AGPAT4: variants seen among roughly 807,000 people sequenced by gnomAD.
The protein encoded by AGPAT4 is 1-acyl-sn-glycerol-3-phosphate acyltransferase delta.
In AGPAT4, 15 loss-of-function variants were observed where a neutral mutation model predicts 48.0. That is an observed-to-expected ratio of 0.31 (90% CI 0.21 to 0.48). The LOEUF is 0.48. Among genes scored for constraint, AGPAT4 ranks in the 20% least tolerant of loss-of-function variants. The pLI, the probability that AGPAT4 is intolerant of heterozygous loss-of-function variation, is 0.99. For missense variants in AGPAT4, 314 were observed against 482.5 expected (o/e 0.65, Z 3.27); for synonymous variants, 178 against 198.7 (o/e 0.90, Z 0.88).
Position 161,262,003 on chromosome 6 carries a change from C to T in AGPAT4, c.-90+11935G>A, listed in dbSNP as rs988340272. ...GATAAGAAGAGTTCCTAGTCGAGGG[C>T]TGGTGGTGAGGATTATCCGTAGACC... On this transcript the variant is annotated intron_variant, in intron 1 of 8. Coordinates refer to ENST00000320285, the MANE Select transcript of AGPAT4 (RefSeq NM_020133.3). This position sits in a 1 kb window ranked among gnomAD's most constrained non-coding sequence, Gnocchi z 4.9. Among the ~76,000 whole-genome samples the T allele has an allele frequency of 6.6e-6, 1 of 152,174 alleles. No homozygotes were observed. The highest frequency in any genetic ancestry group is 1.5e-5 in the Non-Finnish European group (1 of 68,026).
At chr6:161,211,405 G>A (rs944945696) in intron 2 of AGPAT4, among the ~76,000 whole-genome samples, 2 of 151,988 alleles carry the variant, frequency 1.3e-5, no homozygotes, top group Admixed American at 6.6e-5. Context: ...CAAGGTAAAA[G>A]GAATGAGGAA....
Position 161,211,624 on chromosome 6 carries a change from A to AT in AGPAT4, c.178+20411dup, listed in dbSNP as rs1276636692. On this transcript the variant is annotated intron_variant, in intron 2 of 8. Transcript: ENST00000320285. ...CAGTCTGTGTAAGTCATAAAAAGAG[A>AT]TTTTTAAAAAAAACGTTTATATGAT... 4.6e-5 allele frequency among the ~76,000 whole-genome samples: 7 copies of AT among 152,288 alleles called. No individual in the cohort carries two copies. In the South Asian group the frequency reaches 6.2e-4, roughly 14 times the overall value.
At chr6:161,253,734 A>G (rs1488771460) in intron 1 of AGPAT4, among the ~76,000 whole-genome samples, 1 of 152,158 alleles carries the variant, frequency 6.6e-6, no homozygotes, top group Non-Finnish European at 1.5e-5. Flanking sequence ...TTCACAAACA[A>G]TGTGCAATTT....
Position 161,197,963 on chromosome 6 carries a change from T to C in AGPAT4, c.179-31546A>G, listed in dbSNP as rs1326332365. ...TCGGGCTGGCAACTTGTTGGTTCTATTTTAATAAGTTCCCTTTTTGATACG... is the reference window on the plus strand; with the variant it reads ...TCGGGCTGGCAACTTGTTGGTTCTACTTTAATAAGTTCCCTTTTTGATACG... On this transcript the variant is annotated intron_variant, in intron 2 of 8. Transcript: ENST00000320285. The surrounding 1 kb of genome is among the most constrained non-coding windows in gnomAD (Gnocchi z 5.7). Among the ~76,000 whole-genome samples the C allele has an allele frequency of 6.6e-6, 1 of 152,222 alleles. No homozygotes were observed. Among genetic ancestry groups the C allele is most frequent in the Non-Finnish European group, 1.5e-5 (1 of 68,038 alleles).
rs532380360 is a variant in AGPAT4, at chr6:161,264,394, C to A, written c.-90+9544G>T. ...CAGCCTCCTGCCCTGTCCCACCTCA[C>A]CCACTGGCCCACTCCTCTGGTCTCT... On this transcript the variant is annotated intron_variant, in intron 1 of 8. Transcript: ENST00000320285. The surrounding 1 kb of genome is among the most constrained non-coding windows in gnomAD (Gnocchi z 6.8). 1.3e-5 allele frequency among the ~76,000 whole-genome samples: 2 copies of A among 152,158 alleles called. No homozygotes were observed. The highest frequency in any genetic ancestry group is 4.8e-5 in the African/African-American group (2 of 41,434).
At chr6:161,157,249 G>A (rs1287044173) in intron 3 of AGPAT4, among the ~76,000 whole-genome samples, 1 of 152,178 alleles carries the variant, frequency 6.6e-6, no homozygotes, top group Non-Finnish European at 1.5e-5. Flanking sequence ...TTTTAAGAAG[G>A]GGCTGACATC....
In AGPAT4 at chr6:161,254,593, A is replaced by G. The variant is rs1192079242; in HGVS notation, c.-90+19345T>C. ...CCTCTGCTTACAGTAAGAAATAACTAAGTATTGGGAAATCGAGGAGAAAAT... is the reference window on the plus strand; with the variant it reads ...CCTCTGCTTACAGTAAGAAATAACTGAGTATTGGGAAATCGAGGAGAAAAT... On this transcript the variant is annotated intron_variant, in intron 1 of 8. Transcript: ENST00000320285. The surrounding 1 kb of genome is among the most constrained non-coding windows in gnomAD (Gnocchi z 5.9). Among the ~76,000 whole-genome samples, 3 of 152,144 alleles carry G rather than the reference A, an allele frequency of 2.0e-5. No homozygotes were observed. The highest frequency in any genetic ancestry group is 4.4e-5 in the Non-Finnish European group (3 of 68,026).
chr6:161,183,698 GGAGGA>G lies in AGPAT4; in HGVS notation c.179-17286_179-17282del, dbSNP rs1263700566. Reference sequence around the variant, plus strand: ...GGAGGAGAGGGGAGGAGAGGAGAGGGGAGGAGAGGAGAGGAGAGGAGATGGGAGAA... The same window carrying G: ...GGAGGAGAGGGGAGGAGAGGAGAGGGGAGGAGAGGAGAGGAGATGGGAGAA... On this transcript the variant is annotated intron_variant, in intron 2 of 8. Transcript: ENST00000320285. Among the ~76,000 whole-genome samples, 409 of 88,904 alleles carry G rather than the reference GGAGGA, an allele frequency of 4.6e-3. 4 individuals are homozygous for G. Among genetic ancestry groups the G allele is most frequent in the South Asian group, 0.011 (20 of 1,776 alleles). 58.3% of individuals were successfully genotyped at this position (88,904 alleles called of 152,430 possible). A position where few individuals can be genotyped will look rare whatever the true frequency, so the allele number is the denominator to read the frequency against.
At position 161,189,646 on chromosome 6, in the gene AGPAT4, G is replaced by T. The variant is rs192170287; in HGVS notation, c.179-23229C>A. ...TGTACACTTGCACACGGCAGATCCA[G>T]GCCAGCTGCACATCCGTGGGCTCCT... On this transcript the variant is annotated intron_variant, in intron 2 of 8. Transcript: ENST00000320285. This position sits in a 1 kb window ranked among gnomAD's most constrained non-coding sequence, Gnocchi z 5.3. Among the ~76,000 whole-genome samples the T allele has an allele frequency of 2.0e-4, 30 of 152,158 alleles. No individual in the cohort carries two copies. Among genetic ancestry groups the T allele is most frequent in the African/African-American group, 6.7e-4 (28 of 41,514 alleles).
Position 161,142,170 on chromosome 6 carries a change from T to C in AGPAT4, c.844-2550A>G, listed in dbSNP as rs1779274697. Among the ~76,000 whole-genome samples the C allele has an allele frequency of 6.6e-6, 1 of 152,174 alleles. No individual in the cohort carries two copies. Among genetic ancestry groups the C allele is most frequent in the South Asian group, 2.1e-4 (1 of 4,832 alleles). ...CGCCCAGCCCCATTCACTTTAAAGT[T>C]TTCTTTGTCTGTGGTTTAAAACACT... On this transcript the variant is annotated intron_variant, in intron 7 of 8. Transcript: ENST00000320285. This position sits in a 1 kb window ranked among gnomAD's most constrained non-coding sequence, Gnocchi z 6.4.
At position 161,138,710 on chromosome 6, in the gene AGPAT4, C is replaced by T. The variant is rs28389795; in HGVS notation, c.1042+712G>A. On this transcript the variant is annotated intron_variant, in intron 8 of 8. Transcript: ENST00000320285. This position sits in a 1 kb window ranked among gnomAD's most constrained non-coding sequence, Gnocchi z 4.8. ...TGCTTGGACAATGTGCCGTCTCTCC[C>T]GGGCTCTCCAAAGCCTCAGAGGACG... is the stretch of plus-strand genomic sequence containing the variant. Among the ~76,000 whole-genome samples the T allele has an allele frequency of 7.2e-5, 11 of 152,246 alleles. No homozygotes were observed. Among genetic ancestry groups the T allele is most frequent in the South Asian group, 2.1e-4 (1 of 4,812 alleles).
intron 7 of AGPAT4, among the ~76,000 whole-genome samples, chr6:161,145,914 G>A (rs1409536456): frequency 6.6e-6 from 1 of 151,688 alleles, no homozygotes; most frequent in African/African-American, 2.4e-5. Context: ...GCTAAGCTTC[G>A]CTCCTTCATA....
intron 2 of AGPAT4, among the ~76,000 whole-genome samples, chr6:161,194,621 T>C (rs1281122433): frequency 6.9e-6 from 1 of 144,512 alleles, no homozygotes; most frequent in Admixed American, 6.7e-5. Flanking sequence ...TATGTGTACA[T>C]GTGTGTATGT....
rs113110074 is a variant in AGPAT4 at position 161,159,610 on chromosome 6, C to T, written c.349-5300G>A. ...ATGAATCAGTTTGTGTGCACGCGTG[C>T]GTGTGTGTGTGTGTTCATCAAAAGG... On this transcript the variant is annotated intron_variant, in intron 3 of 8. Transcript: ENST00000320285. The surrounding 1 kb of genome is among the most constrained non-coding windows in gnomAD (Gnocchi z 4.1). Among the ~76,000 whole-genome samples the T allele has an allele frequency of 9.2e-4, 140 of 151,842 alleles. No homozygotes were observed. Among genetic ancestry groups the T allele is most frequent in the African/African-American group, 3.2e-3 (132 of 41,474 alleles).
intron 2 of AGPAT4, among the ~76,000 whole-genome samples, chr6:161,168,123 G>A (rs539857386): frequency 1.2e-3 from 175 of 151,848 alleles, no homozygotes; most frequent in African/African-American, 4.1e-3. Context: ...CAGGAAGGCG[G>A]TGGTGGGGTG....
Position 161,189,695 on chromosome 6 carries a change from C to T in AGPAT4, c.179-23278G>A, listed in dbSNP as rs1179217676. The stretch of plus-strand genomic sequence containing the variant: ...CTCCATCAGTCTCTGGCCCCCTCTT[C>T]CACCTCACTGTCTCCACCTGCCCCT... On this transcript the variant is annotated intron_variant, in intron 2 of 8. Transcript: ENST00000320285. The surrounding 1 kb of genome is among the most constrained non-coding windows in gnomAD (Gnocchi z 5.3). Among the ~76,000 whole-genome samples the T allele has an allele frequency of 6.6e-6, 1 of 152,188 alleles. No individual in the cohort carries two copies. Among genetic ancestry groups the T allele is most frequent in the Non-Finnish European group, 1.5e-5 (1 of 68,038 alleles).
intron 2 of AGPAT4, among the ~76,000 whole-genome samples, chr6:161,182,480 T>C (rs1291029497): frequency 6.9e-6 from 1 of 145,348 alleles, no homozygotes; most frequent in South Asian, 2.2e-4. Flanking sequence ...CAGCACTGCA[T>C]CCCAGCCTCT....
rs1780069437 is a variant in AGPAT4, at chr6:161,165,514, C to T, written c.348+734G>A. 9.0e-7 allele frequency: 1 copy of T among 1,110,406 alleles called. No homozygotes were observed. Among genetic ancestry groups the T allele is most frequent in the African/African-American group, 1.6e-5 (1 of 60,796 alleles). 68.8% of individuals were successfully genotyped at this position (1,110,406 alleles called of 1,614,324 possible). On this transcript the variant is annotated intron_variant, in intron 3 of 8. Coordinates refer to ENST00000320285, the MANE Select transcript of AGPAT4 (RefSeq NM_020133.3). This position sits in a 1 kb window ranked among gnomAD's most constrained non-coding sequence, Gnocchi z 5.5. ...TGATCTCTAAGTTCTGGTGCAAACTCTTAGGACCTTTCCTAGCCCCAGACC... is the reference window on the plus strand; with the variant it reads ...TGATCTCTAAGTTCTGGTGCAAACTTTTAGGACCTTTCCTAGCCCCAGACC...
chr6:161,209,513 G>A (rs1472966441), intron 2 of AGPAT4, among the ~76,000 whole-genome samples: 2 of 152,142 alleles, frequency 1.3e-5, no homozygotes, highest in Admixed American at 6.5e-5. Context: ...CCACAGCCTT[G>A]GGCATAATGA....
Sources: gnomAD v4.1 joint callset for allele counts (sites outside exome capture counted in the v4.1 genomes callset) on GRCh38, gnomAD v4.1.1 for gene constraint, Gnocchi (gnomAD v3.1) non-coding constraint, MANE v1.5 for transcripts, NCBI Gene and HGNC (gene_info 2026-07-23, HGNC 2026-07-21) for gene names.